The following CUL9 variants were observed in gnomAD, a reference collection of about 807,000 sequenced individuals.
The protein encoded by CUL9 is cullin 9.
A neutral mutation model predicts 272.6 loss-of-function variants in CUL9; 79 were observed. The ratio of observed to expected loss-of-function variants is 0.29; its 90% CI spans 0.24 to 0.35. CUL9 has a LOEUF of 0.35. CUL9 is among the 10% of genes least tolerant of loss of function. CUL9 has a pLI of 1.00. For synonymous variants in CUL9, 1,186 were observed against 1,286.5 expected, an observed-to-expected ratio of 0.92 and a Z score of 1.67; for missense variants, 2,532 against 3,255.6, an observed-to-expected ratio of 0.78 and a Z score of 5.41.
Position 43,221,822 on chromosome 6 carries a change from C to T in CUL9, c.6846+44C>T, listed in dbSNP as rs761268818. The T allele has an allele frequency of 9.5e-5, 147 of 1,547,140 alleles. No homozygotes were observed. Among genetic ancestry groups the T allele is most frequent in the Admixed American group, 1.7e-4 (10 of 58,758 alleles). ...GGGGAGGGCAGAGGCCCAGAGCCGTCGGGGAGGGGTGCTGCTACCAGGTCC... is the reference window on the plus strand; with the variant it reads ...GGGGAGGGCAGAGGCCCAGAGCCGTTGGGGAGGGGTGCTGCTACCAGGTCC... On this transcript the variant is annotated intron_variant, in intron 35 of 40. Coordinates refer to ENST00000252050, the MANE Select transcript of CUL9 (RefSeq NM_015089.4). The surrounding 1 kb of genome is among the most constrained non-coding windows in gnomAD (Gnocchi z 4.2).
Position 43,203,464 on chromosome 6 carries a change from G to C in CUL9, c.3897G>C (p.Lys1299Asn), listed in dbSNP as rs758349974. 3 of 1,614,178 alleles carry C rather than the reference G, an allele frequency of 1.9e-6. No individual in the cohort carries two copies. The South Asian group carries it at 3.3e-5, about 18-fold the overall frequency. The change falls in exon 19 of 41, where the codon AAG becomes AAC. Residue 1299 changes from lysine to asparagine, a missense_variant. Physicochemically the swap from Lys to Asn is moderately conservative, Grantham distance 94. Transcript: ENST00000252050. The surrounding 1 kb of genome is among the most constrained non-coding windows in gnomAD (Gnocchi z 5.0). ...RVRGVEVLGP[K>N]PTFWPLFREQ... is the part of the protein sequence containing the mutation. ...GGGGTGTGGAGGTCCTGGGCCCTAA[G>C]CCCACATTCTGGCCACTGTTCCGGG...
chr6:43,207,293 T>A (rs1180220323), intron 26 of CUL9, among the ~76,000 whole-genome samples: 2 of 152,202 alleles, frequency 1.3e-5, no homozygotes, highest in Non-Finnish European at 2.9e-5. Flanking sequence ...ATGCCCCCTT[T>A]CCAGTCAATG....
chr6:43,211,513 G>C lies in CUL9; in HGVS notation c.5213-1636G>C, dbSNP rs532084511. On this transcript the variant is annotated intron_variant, in intron 26 of 40. Coordinates refer to ENST00000252050, the MANE Select transcript of CUL9 (RefSeq NM_015089.4). ...GTGGAGGTTGCAGTGAGCCGGGATCGTGCCACTGCACTCCAGCCTGGGGGA... is the reference window on the plus strand; with the variant it reads ...GTGGAGGTTGCAGTGAGCCGGGATCCTGCCACTGCACTCCAGCCTGGGGGA... Among the ~76,000 whole-genome samples, 9 of 152,264 alleles carry C rather than the reference G, an allele frequency of 5.9e-5. No individual in the cohort carries two copies. The South Asian group carries it at 8.3e-4, about 14-fold the overall frequency.
At chr6:43,194,849 A>G (rs1023192381) in intron 9 of CUL9, among the ~76,000 whole-genome samples, 4 of 152,054 alleles carry the variant, frequency 2.6e-5, no homozygotes, top group African/African-American at 9.7e-5. Flanking sequence ...TGAGGTGAGG[A>G]GTTTGAGACC....
At position 43,224,295 on chromosome 6, in the gene CUL9, C is replaced by CGATGAG. The variant is rs773646183; in HGVS notation, c.7410_7415dup (p.Glu2470_Asp2471dup). 4 of 1,614,168 alleles carry CGATGAG rather than the reference C, an allele frequency of 2.5e-6. No homozygotes were observed. In the South Asian group the frequency reaches 3.3e-5, roughly 13 times the overall value. Reference sequence around the variant, plus strand: ...CAGAGGCAGAAGAGGAGGAGGAAGACGATGAGGATGATGTGCCCGAGTGGC... The same window carrying CGATGAG: ...CAGAGGCAGAAGAGGAGGAGGAAGACGATGAGGATGAGGATGATGTGCCCGAGTGGC... On this transcript the variant is annotated inframe_insertion, in exon 41 of 41. Coordinates refer to ENST00000252050, the MANE Select transcript of CUL9 (RefSeq NM_015089.4). This position sits in a 1 kb window ranked among gnomAD's most constrained non-coding sequence, Gnocchi z 4.2.
At chr6:43,217,037 T>C (rs535593367) in intron 31 of CUL9, among the ~76,000 whole-genome samples, 9 of 152,286 alleles carry the variant, frequency 5.9e-5, no homozygotes, top group African/African-American at 2.2e-4. Context: ...GCTTTTATCA[T>C]ATACTCTCAT....
chr6:43,209,732 G>A (rs937425262), intron 26 of CUL9, among the ~76,000 whole-genome samples: 1 of 151,920 alleles, frequency 6.6e-6, no homozygotes, highest in African/African-American at 2.4e-5. Context: ...TGCAACCTCT[G>A]CCTCCTGGGT....
At position 43,213,778 on chromosome 6, in the gene CUL9, C is replaced by A; in HGVS notation, c.5554C>A (p.Gln1852Lys). 1 of 1,614,156 alleles carries A rather than the reference C, an allele frequency of 6.2e-7. No homozygotes were observed. The highest frequency in any genetic ancestry group is 1.3e-5 in the African/African-American group (1 of 75,046). The change falls in exon 29 of 41, where the codon CAG (glutamine) becomes AAG (lysine). Residue 1852 changes from glutamine to lysine, a missense_variant. Physicochemically the swap from Gln to Lys is moderately conservative, Grantham distance 53. This residue lies in a region of CUL9 where 2,218 missense variants were observed against 2,788.6 expected (regional missense o/e 0.80). Transcript: ENST00000252050. The surrounding 1 kb of genome is among the most constrained non-coding windows in gnomAD (Gnocchi z 5.7). ...SGEALWLIPP[Q>K]AYLNVEKDEG... ...GGAGGCCCTGTGGCTGATACCTCCCCAGGCATACCTGAACGTAGAGAAGGA... is the reference window on the plus strand; with the variant it reads ...GGAGGCCCTGTGGCTGATACCTCCCAAGGCATACCTGAACGTAGAGAAGGA...
At chr6:43,207,004 C>T (rs1361806957) in intron 26 of CUL9, among the ~76,000 whole-genome samples, 3 of 152,108 alleles carry the variant, frequency 2.0e-5, no homozygotes, top group Non-Finnish European at 4.4e-5. Context: ...GCCACCACAC[C>T]CGGCTAATTG....
Position 43,221,503 on chromosome 6 carries a change from T to C in CUL9, c.6752+182T>C. The stretch of plus-strand genomic sequence containing the variant: ...TAATGTTCCTTCTCCCACTCGTAAG[T>C]CCACACTGACTGGGGGAGTTCAAAA... On this transcript the variant is annotated intron_variant, in intron 34 of 40. Coordinates refer to ENST00000252050, the MANE Select transcript of CUL9 (RefSeq NM_015089.4). The surrounding 1 kb of genome is among the most constrained non-coding windows in gnomAD (Gnocchi z 4.2). 1 of 886,568 alleles carries C rather than the reference T, an allele frequency of 1.1e-6. No individual in the cohort carries two copies. Among genetic ancestry groups the C allele is most frequent in the South Asian group, 1.7e-5 (1 of 59,674 alleles). 54.9% of individuals were successfully genotyped at this position (886,568 alleles called of 1,614,324 possible). A position where few individuals can be genotyped will look rare whatever the true frequency, so the allele number is the denominator to read the frequency against.
At chr6:43,216,983 C>T (rs1210791627) in intron 31 of CUL9, among the ~76,000 whole-genome samples, 1 of 152,148 alleles carries the variant, frequency 6.6e-6, no homozygotes, top group Non-Finnish European at 1.5e-5. Flanking sequence ...TTTGTGGTTG[C>T]CCTTATTACC....
Position 43,187,071 on chromosome 6 carries a change from G to A in CUL9, c.1363G>A (p.Ala455Thr), listed in dbSNP as rs1279912455. The A allele has an allele frequency of 5.0e-6, 8 of 1,614,090 alleles. No homozygotes were observed. The highest frequency in any genetic ancestry group is 2.2e-5 in the East Asian group (1 of 44,878). Residue 455 changes from alanine to threonine, a missense_variant, in exon 5 of 41, where the codon GCA becomes ACA. Coordinates refer to ENST00000252050, the MANE Select transcript of CUL9 (RefSeq NM_015089.4). ...DKASAAVEKG[A>T]GATVLGTAFP... is the part of the protein sequence containing the mutation. ...GGCTTCAGCAGCTGTGGAGAAGGGG[G>A]CAGGGGCTACTGTGTTGGGCACAGG...
intron 8 of CUL9, among the ~76,000 whole-genome samples, chr6:43,189,695 C>T (rs1220886229): frequency 1.3e-5 from 2 of 152,130 alleles, no homozygotes; most frequent in African/African-American, 4.8e-5. Flanking sequence ...AGGTGCCCAC[C>T]ACCAGGCCCA....
rs1775663836 is a variant in CUL9, at chr6:43,213,261, G to A, written c.5325G>A (p.Gln1775=). The change falls in exon 27 of 41, where the codon CAG becomes CAA. Residue 1775 remains glutamine, a synonymous_variant. Coordinates refer to ENST00000252050, the MANE Select transcript of CUL9 (RefSeq NM_015089.4). The surrounding 1 kb of genome is among the most constrained non-coding windows in gnomAD (Gnocchi z 5.7). ...AGATACTGCATGTGTCCACCGTGCA[G>A]ATGTGGCTGCTGCTGAAATTCAATC... ...GKQILHVSTV[Q]MWLLLKFNQT... 3.1e-6 allele frequency: 5 copies of A among 1,613,822 alleles called. No individual in the cohort carries two copies. Among genetic ancestry groups the A allele is most frequent in the Non-Finnish European group, 4.2e-6 (5 of 1,179,936 alleles).
At chr6:43,210,949 A>G (rs75757022) in intron 26 of CUL9, among the ~76,000 whole-genome samples, 121 of 152,110 alleles carry the variant, frequency 8.0e-4, no homozygotes, top group African/African-American at 2.8e-3. Context: ...TTTTTTGTCT[A>G]TATCAGTTTT....
chr6:43,187,619 G>T (rs1308846302), intron 6 of CUL9, 94 bp from the exon 7 acceptor site: 1 of 1,421,060 alleles, frequency 7.0e-7, no homozygotes, highest in African/African-American at 1.4e-5. Flanking sequence ...TAGAAGGTGT[G>T]GGGGCATGGT....
chr6:43,193,181 T>G lies in CUL9; in HGVS notation c.2361T>G (p.Ser787=). 6.2e-7 allele frequency: 1 copy of G among 1,614,138 alleles called. No individual in the cohort carries two copies. The highest frequency in any genetic ancestry group is 8.5e-7 in the Non-Finnish European group (1 of 1,180,016). ...TCTGCATGCAAGAATATAAGACTTC[T>G]GTCTTGGTGCAGCAGGCTGGGCTGG... ...VLVCMQEYKT[S]VLVQQAGLAA... Residue 787 remains serine, a synonymous_variant, in exon 9 of 41, where the codon TCT becomes TCG. Coordinates refer to ENST00000252050, the MANE Select transcript of CUL9 (RefSeq NM_015089.4).
Position 43,222,219 on chromosome 6 carries a change from GTGTAGAAAGGCCTCCGTGAA to G in CUL9, c.6847-93_6847-74del. On this transcript the variant is annotated intron_variant, in intron 35 of 40. Transcript: ENST00000252050. ...GACTGAATGAAGATAATCGGGGGAG[GTGTAGAAAGGCCTCCGTGAA>G]TGTTGGCTTTTCCACTTATTAACTC... The G allele has an allele frequency of 3.4e-6, 3 of 884,704 alleles. No homozygotes were observed. In the South Asian group the frequency reaches 4.3e-5, roughly 13 times the overall value. 54.8% of individuals were successfully genotyped at this position (884,704 alleles called of 1,614,324 possible).
In CUL9 at chr6:43,224,410, G is replaced by T; in HGVS notation, c.7519G>T (p.Asp2507Tyr). Residue 2507 changes from aspartate (D) to tyrosine (Y), a missense_variant, in exon 41 of 41, where the codon GAT becomes TAT. By Grantham distance (160) the Asp-to-Tyr change is radical. Coordinates refer to ENST00000252050, the MANE Select transcript of CUL9 (RefSeq NM_015089.4). This position sits in a 1 kb window ranked among gnomAD's most constrained non-coding sequence, Gnocchi z 4.2. ...NLDQETFFFG[D>Y]EEEDEDEAYD ...GGACCAAGAGACTTTCTTCTTTGGT[G>T]ATGAGGAAGAGGATGAAGATGAGGC... 6.2e-7 allele frequency: 1 copy of T among 1,614,112 alleles called. No individual in the cohort carries two copies. Among genetic ancestry groups the T allele is most frequent in the Non-Finnish European group, 8.5e-7 (1 of 1,180,036 alleles).
Sources: gnomAD v4.1 joint callset for allele counts (sites outside exome capture counted in the v4.1 genomes callset) on GRCh38, gnomAD v4.1.1 for gene constraint, gnomAD v4.1.1 regional missense constraint, Gnocchi (gnomAD v3.1) non-coding constraint, MANE v1.5 for transcripts, NCBI Gene and HGNC (gene_info 2026-07-23, HGNC 2026-07-21) for gene names.